The following KCNMA1 variants were observed in gnomAD, a reference collection of about 807,000 sequenced individuals.
The protein encoded by KCNMA1 is potassium calcium-activated channel subfamily M alpha 1, also known as Calcium-activated potassium channel subunit alpha-1.
In KCNMA1, 29 loss-of-function variants were observed where a neutral mutation model predicts 140.0. The observed-to-expected ratio is 0.21, with a 90% confidence interval of 0.15 to 0.28. The LOEUF is 0.28. Ranked by LOEUF, KCNMA1 falls within the 10% of genes least tolerant of loss-of-function variation. The pLI is 1.00. For synonymous variants in KCNMA1, 612 were observed against 611.9 expected (o/e 1.00, Z 0.00); for missense variants, 880 against 1,602.2 (o/e 0.55, Z 7.70).
intron 2 of KCNMA1, chr10:77,354,430 TC>T (rs1237330815): frequency 6.6e-6 from 1 of 152,168 alleles, no homozygotes; most frequent in African/African-American, 2.4e-5. Context: ...CTGGGGAGGC[TC>T]CCCTTTTTTT....
chr10:76,928,888 T>C (rs1255513944), intron 23 of KCNMA1, among the ~76,000 whole-genome samples: 2 of 152,048 alleles, frequency 1.3e-5, no homozygotes, highest in Non-Finnish European at 1.5e-5. Context: ...TTTCTGAAAA[T>C]GGAGACAAAA....
intron 5 of KCNMA1, among the ~76,000 whole-genome samples, chr10:77,128,812 C>T (rs1243128773): frequency 6.6e-6 from 1 of 152,170 alleles, no homozygotes; most frequent in East Asian, 1.9e-4. Flanking sequence ...GCATGGGATT[C>T]AAATCCATTG....
chr10:77,377,298 G>T (rs556530694), intron 2 of KCNMA1, among the ~76,000 whole-genome samples: 1 of 152,098 alleles, frequency 6.6e-6, no homozygotes, highest in East Asian at 1.9e-4. Context: ...TGCTGACAAG[G>T]CCTCTCTCTT....
chr10:76,971,262 A>G (rs2153172505), intron 19 of KCNMA1, among the ~76,000 whole-genome samples: 1 of 152,346 alleles, frequency 6.6e-6, no homozygotes, highest in Middle Eastern at 3.4e-3. Context: ...CAGTGATGAC[A>G]TCAAAAGAGA....
At chr10:77,521,757 A>C (rs1262555739) in intron 1 of KCNMA1, among the ~76,000 whole-genome samples, 1 of 152,156 alleles carries the variant, frequency 6.6e-6, no homozygotes, top group Non-Finnish European at 1.5e-5. Context: ...GGTTGAATGA[A>C]TGACACCCAC....
At chr10:77,049,434 T>C (rs2095268770) in intron 14 of KCNMA1, among the ~76,000 whole-genome samples, 1 of 152,196 alleles carries the variant, frequency 6.6e-6, no homozygotes, top group African/African-American at 2.4e-5. Context: ...CCATGTGTGG[T>C]GATTAGCATT....
chr10:76,949,506 A>G (rs2065430603), intron 21 of KCNMA1, 140 bp from the exon 22 acceptor site: 1 of 734,864 alleles, frequency 1.4e-6, no homozygotes, highest in Non-Finnish European at 2.4e-6. Context: ...TATTTCATCA[A>G]TGTTATATAC....
intron 1 of KCNMA1, among the ~76,000 whole-genome samples, chr10:77,572,843 G>A (rs1192731454): frequency 6.6e-6 from 1 of 151,104 alleles, no homozygotes; most frequent in African/African-American, 2.4e-5. Flanking sequence ...AAAACCAGAT[G>A]TGTTTTAGAA....
intron 5 of KCNMA1, among the ~76,000 whole-genome samples, chr10:77,169,085 C>A (rs1405046740): frequency 6.6e-6 from 1 of 152,122 alleles, no homozygotes; most frequent in African/African-American, 2.4e-5. Context: ...GAAGATCACC[C>A]ATGATCAAAA....
At chr10:77,364,503 C>T (rs1603421542) in intron 2 of KCNMA1, among the ~76,000 whole-genome samples, 1 of 152,036 alleles carries the variant, frequency 6.6e-6, no homozygotes, top group Non-Finnish European at 1.5e-5. Flanking sequence ...ACACTGTCTT[C>T]CAAGCTGTGA....
chr10:77,014,734 A>G (rs2153463420), intron 17 of KCNMA1, among the ~76,000 whole-genome samples: 1 of 152,326 alleles, frequency 6.6e-6, no homozygotes, highest in East Asian at 1.9e-4. Flanking sequence ...ATTAAGGTTA[A>G]TAAGTGAAAT....
intron 15 of KCNMA1, among the ~76,000 whole-genome samples, chr10:77,038,198 T>C (rs2094453851): frequency 6.6e-6 from 1 of 152,042 alleles, no homozygotes; most frequent in South Asian, 2.1e-4. Context: ...CACCAAGCGC[T>C]CCGCCTCCCT....
chr10:77,484,896 T>G (rs2098443517), intron 1 of KCNMA1, among the ~76,000 whole-genome samples: 1 of 152,220 alleles, frequency 6.6e-6, no homozygotes. Context: ...GTTAGACAAG[T>G]AATGGAACAA....
chr10:77,231,683 A>G (rs767945057), intron 3 of KCNMA1, among the ~76,000 whole-genome samples: 3 of 149,134 alleles, frequency 2.0e-5, no homozygotes, highest in Non-Finnish European at 2.9e-5. Context: ...TCACACCCCA[A>G]TGGCCTCGGA....
chr10:76,898,003 G>A (rs569286193), intron 25 of KCNMA1, among the ~76,000 whole-genome samples: 26 of 151,594 alleles, frequency 1.7e-4, no homozygotes, highest in Non-Finnish European at 3.1e-4. Flanking sequence ...CAGAAAATAA[G>A]CATACAAAAT....
chr10:76,976,065 G>C (rs1031085187), intron 19 of KCNMA1, among the ~76,000 whole-genome samples: 1 of 152,158 alleles, frequency 6.6e-6, no homozygotes, highest in Non-Finnish European at 1.5e-5. Context: ...TTCTAGCTAG[G>C]AAATAGGAAA....
chr10:77,467,386 C>CT (rs1203909219), intron 1 of KCNMA1, among the ~76,000 whole-genome samples: 1 of 152,170 alleles, frequency 6.6e-6, no homozygotes, highest in Non-Finnish European at 1.5e-5. Context: ...CTAATGTTGA[C>CT]TGAGCAGTGC....
At chr10:77,441,951 C>T (rs555145242) in intron 1 of KCNMA1, among the ~76,000 whole-genome samples, 2 of 152,266 alleles carry the variant, frequency 1.3e-5, no homozygotes, top group South Asian at 4.1e-4. Flanking sequence ...ACCTGAGCCA[C>T]CACAGCCTCA....
At chr10:77,190,739 C>A (rs989972790) in intron 3 of KCNMA1, among the ~76,000 whole-genome samples, 10 of 152,010 alleles carry the variant, frequency 6.6e-5, no homozygotes. Context: ...ACTAATAATC[C>A]CCAGAAGTCC....
Sources: allele counts gnomAD v4.1 joint callset (sites outside exome capture counted in the v4.1 genomes callset), GRCh38; gene constraint gnomAD v4.1.1; transcripts MANE v1.5; gene names NCBI Gene and HGNC (gene_info 2026-07-23, HGNC 2026-07-21).